CSMD1: variants seen among roughly 807,000 people sequenced by gnomAD.
CSMD1 encodes the protein CUB and sushi domain-containing protein 1.
A neutral mutation model predicts 417.5 loss-of-function variants in CSMD1; 213 were observed. That is an observed-to-expected ratio of 0.51 (90% CI 0.46 to 0.57). CSMD1 has a LOEUF of 0.57. Among genes scored for constraint, CSMD1 ranks in the 20% least tolerant of loss-of-function variants. The probability of loss-of-function intolerance (pLI) is 0.00; values close to 1 mark genes in which losing one functional copy is unlikely to be tolerated. For synonymous variants in CSMD1, 2,862 were observed against 1,736.8 expected (o/e 1.65, Z -16.11); for missense variants, 6,923 against 4,529.7 (o/e 1.53, Z -15.17).
chr8:3,815,638 T>C (rs1421433911), intron 5 of CSMD1, among the ~76,000 whole-genome samples: 1 of 151,718 alleles, frequency 6.6e-6, no homozygotes, highest in East Asian at 1.9e-4. Context: ...TTTTTTTTTT[T>C]TTTAACAAAT....
chr8:4,473,596 G>A (rs1294236927), intron 2 of CSMD1, among the ~76,000 whole-genome samples: 1 of 152,166 alleles, frequency 6.6e-6, no homozygotes, highest in Non-Finnish European at 1.5e-5. Context: ...ATACGGACAA[G>A]ATGACATTGT....
At chr8:4,053,388 ACTGCCT>A (rs1230596580) in intron 3 of CSMD1, among the ~76,000 whole-genome samples, 1 of 151,496 alleles carries the variant, frequency 6.6e-6, no homozygotes, top group East Asian at 2.0e-4. Flanking sequence ...GTGTGCGCTG[ACTGCCT>A]CTACCTTGGT....
chr8:3,037,614 G>A (rs966607712), intron 50 of CSMD1, among the ~76,000 whole-genome samples: 4 of 152,242 alleles, frequency 2.6e-5, no homozygotes, highest in East Asian at 1.9e-4. Context: ...TAGATGCCCC[G>A]TAGTAGGGCT....
intron 5 of CSMD1, among the ~76,000 whole-genome samples, chr8:3,758,165 T>C (rs1309957235): frequency 6.6e-6 from 1 of 152,078 alleles, no homozygotes; most frequent in East Asian, 2.0e-4. Flanking sequence ...GATTTCACCA[T>C]TTTGGCCAGG....
intron 51 of CSMD1, among the ~76,000 whole-genome samples, chr8:3,024,708 T>C (rs1221374766): frequency 2.0e-5 from 3 of 152,228 alleles, no homozygotes; most frequent in Non-Finnish European, 4.4e-5. Context: ...GTGTTTTCTC[T>C]GATACTATTA....
chr8:3,414,378 C>G (rs943451211), intron 12 of CSMD1, among the ~76,000 whole-genome samples: 1 of 152,086 alleles, frequency 6.6e-6, no homozygotes, highest in African/African-American at 2.4e-5. Flanking sequence ...ACCTCCCTCT[C>G]TTCCCCAAAA....
chr8:4,514,979 G>A (rs1482853358), intron 2 of CSMD1, among the ~76,000 whole-genome samples: 1 of 152,128 alleles, frequency 6.6e-6, no homozygotes, highest in African/African-American at 2.4e-5. Flanking sequence ...AAGCCTCAGT[G>A]GAAATGATTT....
At chr8:3,839,159 G>A (rs929159510) in intron 5 of CSMD1, among the ~76,000 whole-genome samples, 2 of 124,308 alleles carry the variant, frequency 1.6e-5, no homozygotes, top group East Asian at 2.2e-4. Context: ...TATATCTATA[G>A]TCCCTCTCTC....
At chr8:3,899,710 C>G (rs1421994482) in intron 5 of CSMD1, among the ~76,000 whole-genome samples, 1 of 152,160 alleles carries the variant, frequency 6.6e-6, no homozygotes, top group Non-Finnish European at 1.5e-5. Flanking sequence ...AACTGAGCAA[C>G]TGTCCTGGTA....
chr8:3,773,863 A>T (rs576484964), intron 5 of CSMD1, among the ~76,000 whole-genome samples: 1 of 152,254 alleles, frequency 6.6e-6, no homozygotes, highest in Admixed American at 6.5e-5. Context: ...TATTTTGATC[A>T]TTACTATGTT....
chr8:3,283,541 G>A (rs1412852087), intron 26 of CSMD1, among the ~76,000 whole-genome samples: 1 of 151,892 alleles, frequency 6.6e-6, no homozygotes, highest in African/African-American at 2.4e-5. Context: ...ACAGTGTTCA[G>A]AACCACTCCA....
At chr8:3,808,278 T>G (rs1263345906) in intron 5 of CSMD1, among the ~76,000 whole-genome samples, 1 of 152,184 alleles carries the variant, frequency 6.6e-6, no homozygotes, top group East Asian at 1.9e-4. Context: ...ATATAAAGAT[T>G]TTTTTCATTG....
intron 4 of CSMD1, among the ~76,000 whole-genome samples, chr8:4,014,957 A>G (rs1400289456): frequency 6.6e-6 from 1 of 152,234 alleles, no homozygotes; most frequent in Admixed American, 6.5e-5. Flanking sequence ...GATAACGTGA[A>G]TGACGTGCTT....
intron 5 of CSMD1, among the ~76,000 whole-genome samples, chr8:3,891,711 C>A (rs1485777374): frequency 6.6e-6 from 1 of 151,930 alleles, no homozygotes; most frequent in Non-Finnish European, 1.5e-5. Context: ...TTAACTCAGT[C>A]TCCTAACACT....
chr8:4,841,911 C>CAAACAAAACAAAAAAAA (rs779855887), intron 1 of CSMD1, among the ~76,000 whole-genome samples: 1 of 34,830 alleles, frequency 2.9e-5, no homozygotes, highest in African/African-American at 1.8e-4. Context: ...AACTCCGTCT[C>CAAACAAAACAAAAAAAA]AAAAAAAAAA....
rs534112898 is a variant in CSMD1, at chr8:2,982,288, G to A, written c.8378-3488C>T. On this transcript the variant is annotated intron_variant, in intron 54 of 69. Transcript: ENST00000635120. ...GGAGAATTGCTTGAACCCAGGATGC[G>A]GAAGCTGCAGTGAGCCGAGATCATG... 1.3e-3 allele frequency among the ~76,000 whole-genome samples: 204 copies of A among 152,230 alleles called. 1 individual carries two copies. Among genetic ancestry groups the A allele is most frequent in the Non-Finnish European group, 1.9e-3 (132 of 68,036 alleles).
At chr8:4,060,167 A>G (rs986485666) in intron 3 of CSMD1, among the ~76,000 whole-genome samples, 18 of 152,234 alleles carry the variant, frequency 1.2e-4, no homozygotes, top group Non-Finnish European at 1.9e-4. Context: ...GTAATCCAGC[A>G]TATAAACAGA....
chr8:3,829,235 A>T (rs1802233716), intron 5 of CSMD1, among the ~76,000 whole-genome samples: 1 of 152,022 alleles, frequency 6.6e-6, no homozygotes, highest in South Asian at 2.1e-4. Flanking sequence ...ATGCCTTTGC[A>T]TCCTCATAGC....
At position 4,773,983 on chromosome 8, in the gene CSMD1, G is replaced by A. The variant is rs373122904; in HGVS notation, c.86-136425C>T. Among the ~76,000 whole-genome samples, 11 of 152,246 alleles carry A rather than the reference G, an allele frequency of 7.2e-5. No homozygotes were observed. The South Asian group carries it at 1.7e-3, about 23-fold the overall frequency. On this transcript the variant is annotated intron_variant, in intron 1 of 69. Transcript: ENST00000635120. ...GGCAGAGGTGGGTGGATCGCCTCAG[G>A]TCAGGAGTTCAAGACCAGCCTGGCC...
Sources: allele counts gnomAD v4.1 joint callset (sites outside exome capture counted in the v4.1 genomes callset), GRCh38; gene constraint gnomAD v4.1.1; transcripts MANE v1.5; gene names NCBI Gene and HGNC (gene_info 2026-07-23, HGNC 2026-07-21).